The following NAALADL2 variants were observed in gnomAD, a reference collection of about 807,000 sequenced individuals.
The protein encoded by NAALADL2 is N-acetylated alpha-linked acidic dipeptidase like 2.
In NAALADL2, 76 loss-of-function variants were observed where a neutral mutation model predicts 87.2. The observed-to-expected ratio is 0.87, with a 90% CI of 0.72 to 1.05. The LOEUF is 1.05. Ranked by LOEUF, NAALADL2 falls within the 50% of genes least tolerant of loss-of-function variation. The pLI is 0.00. For missense variants in NAALADL2, 1,089 were observed against 945.8 expected, an observed-to-expected ratio of 1.15 and a Z score of -1.99; for synonymous variants, 354 against 331.0, an observed-to-expected ratio of 1.07 and a Z score of -0.75.
rs1452271450 is a variant in NAALADL2 at position 175,670,442 on chromosome 3, T to A, written c.1896+43056T>A. Among the ~76,000 whole-genome samples, 15 of 148,148 alleles carry A rather than the reference T, an allele frequency of 1.0e-4. No individual in the cohort carries two copies. In the South Asian group the frequency reaches 3.2e-3, roughly 31 times the overall value. ...AAATTTAATATATTTATATTAAATTTATATTAAATGTAAATTTAATATATT... is the reference window on the plus strand; with the variant it reads ...AAATTTAATATATTTATATTAAATTAATATTAAATGTAAATTTAATATATT... On this transcript the variant is annotated intron_variant, in intron 11 of 13. Transcript: ENST00000454872.
chr3:175,577,702 T>C (rs74378814), intron 10 of NAALADL2, among the ~76,000 whole-genome samples: 2 of 152,124 alleles, frequency 1.3e-5, no homozygotes, highest in African/African-American at 4.8e-5. Flanking sequence ...TAAAATGGAG[T>C]CCCCTATGCT....
At chr3:174,926,191 G>A (rs1435257001) in intron 1 of NAALADL2, among the ~76,000 whole-genome samples, 2 of 152,084 alleles carry the variant, frequency 1.3e-5, no homozygotes, top group African/African-American at 4.8e-5. Context: ...AAAGCCTCCA[G>A]GAAATATGGG....
intron 1 of NAALADL2, among the ~76,000 whole-genome samples, chr3:175,063,612 G>A (rs1420084406): frequency 6.6e-6 from 1 of 151,996 alleles, no homozygotes; most frequent in Non-Finnish European, 1.5e-5. Context: ...CAGTAGTTGA[G>A]GCCACAGGAA....
At chr3:175,578,167 T>C (rs1232113936) in intron 10 of NAALADL2, among the ~76,000 whole-genome samples, 3 of 152,126 alleles carry the variant, frequency 2.0e-5, no homozygotes, top group Non-Finnish European at 4.4e-5. Context: ...GGTTCATGCC[T>C]GTAGTCCCAG....
At chr3:175,036,690 C>T (rs1378694467) in intron 1 of NAALADL2, among the ~76,000 whole-genome samples, 2 of 152,008 alleles carry the variant, frequency 1.3e-5, no homozygotes, top group African/African-American at 4.8e-5. Flanking sequence ...TGAACCACTG[C>T]GCCCAGCCCA....
intron 13 of NAALADL2, among the ~76,000 whole-genome samples, chr3:175,792,840 T>G (rs1316237043): frequency 1.3e-5 from 2 of 152,200 alleles, no homozygotes; most frequent in African/African-American, 4.8e-5. Context: ...TAGTATAAGC[T>G]CATCTTAAGA....
At chr3:174,943,373 G>A (rs1560394722) in intron 1 of NAALADL2, among the ~76,000 whole-genome samples, 1 of 152,134 alleles carries the variant, frequency 6.6e-6, no homozygotes, top group Non-Finnish European at 1.5e-5. Context: ...TGGTCAGTTG[G>A]TAGACTCTTG....
intron 1 of NAALADL2, among the ~76,000 whole-genome samples, chr3:174,860,916 T>C (rs1726409795): frequency 6.6e-6 from 1 of 152,106 alleles, no homozygotes. Context: ...CCCCTATCCA[T>C]ATATATGTAT....
At chr3:174,946,455 A>C (rs889294151) in intron 1 of NAALADL2, among the ~76,000 whole-genome samples, 7 of 152,114 alleles carry the variant, frequency 4.6e-5, no homozygotes, top group African/African-American at 1.7e-4. Flanking sequence ...GTTTTCTTTT[A>C]GTTAAACAGG....
chr3:175,130,663 T>A (rs1439633058), intron 2 of NAALADL2, among the ~76,000 whole-genome samples: 1 of 152,220 alleles, frequency 6.6e-6, no homozygotes, highest in Non-Finnish European at 1.5e-5. Flanking sequence ...AGGAGGCCAT[T>A]GAGAGGGTCA....
intron 11 of NAALADL2, among the ~76,000 whole-genome samples, chr3:175,728,546 G>A (rs1743241101): frequency 6.6e-6 from 1 of 152,112 alleles, no homozygotes; most frequent in Admixed American, 6.6e-5. Context: ...TCTTGCCCAT[G>A]GCTGGCTGCC....
intron 1 of NAALADL2, among the ~76,000 whole-genome samples, chr3:174,876,983 G>T (rs942374980): frequency 5.3e-5 from 8 of 152,036 alleles, no homozygotes; most frequent in African/African-American, 1.9e-4. Flanking sequence ...TTTCTTACAT[G>T]GCCAGGAGAG....
At chr3:175,672,875 G>C (rs766604227) in intron 11 of NAALADL2, among the ~76,000 whole-genome samples, 1 of 152,160 alleles carries the variant, frequency 6.6e-6, no homozygotes, top group East Asian at 1.9e-4. Context: ...AATTTATAAG[G>C]CTATTCTGAG....
intron 3 of NAALADL2, among the ~76,000 whole-genome samples, chr3:174,743,292 G>A (rs1005215610): frequency 6.6e-6 from 1 of 151,664 alleles, no homozygotes; most frequent in African/African-American, 2.4e-5. Context: ...GATAATCCCT[G>A]TCTAAAATAT....
At chr3:175,144,072 TAAA>T (rs1730410436) in intron 2 of NAALADL2, among the ~76,000 whole-genome samples, 1 of 152,068 alleles carries the variant, frequency 6.6e-6, no homozygotes, top group Admixed American at 6.6e-5. Context: ...AAAAGAATAA[TAAA>T]AATATTCTAT....
chr3:175,081,711 A>T (rs1475440037), intron 1 of NAALADL2, among the ~76,000 whole-genome samples: 1 of 152,120 alleles, frequency 6.6e-6, no homozygotes, highest in Non-Finnish European at 1.5e-5. Flanking sequence ...AGCCCTCTTT[A>T]ACCTAACCAT....
At chr3:174,488,922 C>T (rs1048545161) in intron 1 of NAALADL2, among the ~76,000 whole-genome samples, 3 of 151,990 alleles carry the variant, frequency 2.0e-5, no homozygotes, top group South Asian at 2.1e-4. Flanking sequence ...GGTCATAAAA[C>T]GGCTTATAAA....
At chr3:175,506,793 C>A (rs915121543) in intron 9 of NAALADL2, among the ~76,000 whole-genome samples, 3 of 152,128 alleles carry the variant, frequency 2.0e-5, no homozygotes, top group African/African-American at 7.2e-5. Flanking sequence ...CATAAATATT[C>A]TTGTCATAAA....
At chr3:175,638,766 A>G (rs1728883590) in intron 11 of NAALADL2, among the ~76,000 whole-genome samples, 1 of 152,208 alleles carries the variant, frequency 6.6e-6, no homozygotes, top group Non-Finnish European at 1.5e-5. Flanking sequence ...TCATTTGGAA[A>G]ATCTGAACAA....
Sources: gnomAD v4.1 joint callset for allele counts (sites outside exome capture counted in the v4.1 genomes callset) on GRCh38, gnomAD v4.1.1 for gene constraint, MANE v1.5 for transcripts, NCBI Gene and HGNC (gene_info 2026-07-23, HGNC 2026-07-21) for gene names.